Variants in SPAST observed in about 807,000 individuals in gnomAD.
SPAST encodes spastin, also known as spastic paraplegia 4 (autosomal dominant; spastin).
Under a neutral mutation model 76.6 loss-of-function variants are expected in SPAST, and 30 were observed. The ratio of observed to expected loss-of-function variants is 0.39; its 90% CI spans 0.29 to 0.53. The LOEUF is 0.53. SPAST is among the 20% of genes least tolerant of loss of function. SPAST has a pLI of 0.68. For synonymous variants in SPAST, 305 were observed against 281.0 expected (o/e 1.09, Z -0.86); for missense variants, 717 against 770.5 (o/e 0.93, Z 0.82).
intron 1 of SPAST, among the ~76,000 whole-genome samples, chr2:32,081,804 A>AAAAAAAAAAAAAAAAAAAAAAAT (rs1329836769): frequency 6.9e-6 from 1 of 145,116 alleles, no homozygotes; most frequent in Admixed American, 6.9e-5. Flanking sequence ...AAAAAAAAAA[A>AAAAAAAAAAAAAAAAAAAAAAAT]GGAAAGAAAA....
intron 7 of SPAST, among the ~76,000 whole-genome samples, chr2:32,118,540 A>G (rs920117701): frequency 3.3e-5 from 5 of 152,242 alleles, no homozygotes; most frequent in Admixed American, 1.3e-4. Flanking sequence ...ATATAAGATT[A>G]GTAAATGCTA....
chr2:32,118,559 A>G (rs186178532), intron 7 of SPAST, among the ~76,000 whole-genome samples: 2 of 152,336 alleles, frequency 1.3e-5, no homozygotes, highest in Admixed American at 1.3e-4. Flanking sequence ...TATAGACTAA[A>G]TATTGAAAAA....
chr2:32,151,717 C>T (rs192985153), intron 16 of SPAST, among the ~76,000 whole-genome samples: 69 of 152,238 alleles, frequency 4.5e-4, no homozygotes, highest in Admixed American at 1.9e-3. Context: ...CGAGACCAGC[C>T]TGGCCAACGT....
chr2:32,124,315 CA>C (rs1354338273), intron 7 of SPAST, among the ~76,000 whole-genome samples: 1 of 152,116 alleles, frequency 6.6e-6, no homozygotes, highest in Non-Finnish European at 1.5e-5. Flanking sequence ...AAAACAACAA[CA>C]AGATACCCTG....
intron 7 of SPAST, among the ~76,000 whole-genome samples, chr2:32,118,587 G>A (rs1335520244): frequency 1.3e-5 from 2 of 152,076 alleles, no homozygotes; most frequent in Admixed American, 1.3e-4. Context: ...GCTTAAAGAG[G>A]ATTTACATAA....
Position 32,063,570 on chromosome 2 carries a change from G to C in SPAST, c.-262G>C, listed in dbSNP as rs1403943402. 2 of 508,878 alleles carry C rather than the reference G, an allele frequency of 3.9e-6. No individual in the cohort carries two copies. The allele number at this position is 508,878 out of a possible 1,614,324, so 31.5% of individuals were successfully genotyped here. On this transcript the variant is annotated 5_prime_UTR_variant, in exon 1 of 17. Coordinates refer to ENST00000315285, the MANE Select transcript of SPAST (RefSeq NM_014946.4). Reference sequence around the variant, plus strand: ...CGTGCGCGTGCGCGGCCGCCGCTGGGAGCCACCAGGCGGCGGAGAGGACAG... The same window carrying C: ...CGTGCGCGTGCGCGGCCGCCGCTGGCAGCCACCAGGCGGCGGAGAGGACAG...
At chr2:32,127,102 G>A (rs1679220694) in intron 8 of SPAST, 80 bp downstream of exon 8, 3 of 937,008 alleles carry the variant, frequency 3.2e-6, no homozygotes, top group Non-Finnish European at 5.3e-6. Flanking sequence ...TCTTGTCCTT[G>A]AGTCTATTAT....
At chr2:32,066,431 A>G (rs999060642) in intron 1 of SPAST, among the ~76,000 whole-genome samples, 1 of 152,106 alleles carries the variant, frequency 6.6e-6, no homozygotes, top group Admixed American at 6.6e-5. Flanking sequence ...ACACTTTGGG[A>G]GGCCGGGGCG....
intron 4 of SPAST, among the ~76,000 whole-genome samples, chr2:32,105,286 A>G (rs1291733824): frequency 2.0e-5 from 3 of 152,050 alleles, no homozygotes; most frequent in Admixed American, 1.3e-4. Flanking sequence ...TTTTCGTGCC[A>G]TGGTTTTCAG....
rs374487991 is a variant in SPAST at position 32,137,086 on chromosome 2, G to T, written c.1414-23G>T. 5 of 1,606,970 alleles carry T rather than the reference G, an allele frequency of 3.1e-6. No individual in the cohort carries two copies. In the African/African-American group the frequency reaches 5.4e-5, roughly 17 times the overall value. Reference sequence around the variant, plus strand: ...TTGTTATTACTTTTCTAAATGAATTGAAAAAAGATTTTTTGCTTGTAGGTA... The same window carrying T: ...TTGTTATTACTTTTCTAAATGAATTTAAAAAAGATTTTTTGCTTGTAGGTA... On this transcript the variant is annotated intron_variant, in intron 11 of 16. Coordinates refer to ENST00000315285, the MANE Select transcript of SPAST (RefSeq NM_014946.4).
intron 3 of SPAST, among the ~76,000 whole-genome samples, chr2:32,090,697 A>T (rs1677675222): frequency 6.6e-6 from 1 of 151,978 alleles, no homozygotes; most frequent in African/African-American, 2.4e-5. Context: ...CTTCCAATTT[A>T]TTTGTTGATG....
At chr2:32,089,456 G>A in intron 2 of SPAST, 66 bp from the exon 3 acceptor site, 1 of 922,414 alleles carries the variant, frequency 1.1e-6, no homozygotes, top group Non-Finnish European at 1.8e-6. Context: ...TAGTTTGGGT[G>A]ATAATTTATC....
intron 1 of SPAST, among the ~76,000 whole-genome samples, chr2:32,072,807 C>G (rs1013600558): frequency 3.9e-5 from 6 of 152,120 alleles, no homozygotes; most frequent in African/African-American, 2.4e-5. Flanking sequence ...CTGCTGAAAA[C>G]CTATACCTAC....
intron 3 of SPAST, among the ~76,000 whole-genome samples, chr2:32,094,950 C>G (rs1380878679): frequency 6.6e-6 from 1 of 152,186 alleles, no homozygotes; most frequent in Non-Finnish European, 1.5e-5. Context: ...GCCTGGGCAA[C>G]AAAGCGAGAC....
At chr2:32,152,896 C>T (rs932542771) in intron 16 of SPAST, among the ~76,000 whole-genome samples, 3 of 151,886 alleles carry the variant, frequency 2.0e-5, no homozygotes, top group African/African-American at 4.8e-5. Context: ...TACAGGCGTG[C>T]GCCACCATGC....
At chr2:32,075,239 G>C (rs746254641) in intron 1 of SPAST, among the ~76,000 whole-genome samples, 1 of 151,314 alleles carries the variant, frequency 6.6e-6, no homozygotes, top group Non-Finnish European at 1.5e-5. Flanking sequence ...TGGCTAACAC[G>C]GTGAAACCCC....
intron 4 of SPAST, among the ~76,000 whole-genome samples, chr2:32,111,179 TATATA>T (rs1266468389): frequency 1.8e-4 from 22 of 121,526 alleles, no homozygotes; most frequent in African/African-American, 6.3e-4. Context: ...TACAGTATAC[TATATA>T]GTGTGTATAG....
chr2:32,114,929 G>T, intron 5 of SPAST, 104 bp downstream of exon 5: 1 of 809,132 alleles, frequency 1.2e-6, no homozygotes, highest in Non-Finnish European at 2.0e-6. Context: ...TAATACTTTA[G>T]AGAATGGATA....
At chr2:32,137,853 A>G (rs536550685) in intron 12 of SPAST, among the ~76,000 whole-genome samples, 5 of 152,158 alleles carry the variant, frequency 3.3e-5, no homozygotes, top group African/African-American at 1.2e-4. Context: ...TATTGTTCCC[A>G]TGTTTATGTC....
Sources: allele counts gnomAD v4.1 joint callset (sites outside exome capture counted in the v4.1 genomes callset), GRCh38; gene constraint gnomAD v4.1.1; transcripts MANE v1.5; gene names NCBI Gene and HGNC (gene_info 2026-07-23, HGNC 2026-07-21).